The following IFIH1 variants were observed in gnomAD, a reference collection of about 807,000 sequenced individuals.
IFIH1 encodes interferon-induced helicase C domain-containing protein 1.
IFIH1 carries 125 observed loss-of-function variants against 107.4 expected under a neutral mutation model. The observed-to-expected ratio is 1.16, with a 90% confidence interval of 1.01 to 1.35. The LOEUF (loss-of-function observed/expected upper bound fraction) is 1.35. IFIH1 is among the 40% of genes most tolerant of loss of function. The pLI is 0.00. For missense variants in IFIH1, 1,333 were observed against 1,213.7 expected, an observed-to-expected ratio of 1.10 and a Z score of -1.46; for synonymous variants, 458 against 413.2, an observed-to-expected ratio of 1.11 and a Z score of -1.31.
At chr2:162,305,495 G>A (rs1328871605) in intron 3 of IFIH1, among the ~76,000 whole-genome samples, 1 of 151,958 alleles carries the variant, frequency 6.6e-6, no homozygotes, top group Non-Finnish European at 1.5e-5. Context: ...ACTTGAACCC[G>A]GGAGGTGAAG....
chr2:162,276,492 C>T (rs938397180), intron 11 of IFIH1, among the ~76,000 whole-genome samples, 195 bp downstream of exon 11: 4 of 152,058 alleles, frequency 2.6e-5, no homozygotes, highest in Non-Finnish European at 4.4e-5. Context: ...AGAGTCCCAG[C>T]TGCTCAGGAG....
rs774025268 is a variant in IFIH1, at chr2:162,318,092, G to A, written c.216C>T (p.His72=). ...CCACGAATTCCCGAGTCCAACCAAG[G>A]TGCCAGACTCCCTTCTCCAAGGTGC... The part of the protein sequence containing the change: ...LLSTLEKGVW[H]LGWTREFVEA... The change falls in exon 1 of 16, where the codon CAC becomes CAT. Residue 72 remains histidine, a synonymous_variant. Transcript: ENST00000649979. 1.9e-6 allele frequency: 3 copies of A among 1,614,148 alleles called. No individual in the cohort carries two copies. The highest frequency in any genetic ancestry group is 1.7e-5 in the Admixed American group (1 of 60,020).
intron 5 of IFIH1, among the ~76,000 whole-genome samples, chr2:162,285,719 A>G (rs114837312): frequency 2.0e-4 from 31 of 152,096 alleles, no homozygotes; most frequent in Non-Finnish European, 4.1e-4. Context: ...TGTAGATCCA[A>G]TGCAATGAAA....
chr2:162,303,248 G>T (rs189923872), intron 3 of IFIH1, among the ~76,000 whole-genome samples: 10 of 152,200 alleles, frequency 6.6e-5, no homozygotes, highest in Non-Finnish European at 1.3e-4. Context: ...CCAAGTAGCT[G>T]GGATTACAGG....
Position 162,267,293 on chromosome 2 carries a change from T to G in IFIH1, c.2985A>C (p.Ser995=). ...CCCACTTTTTGTATTGTTTCTTTGTTGAATTATTTTTGAAAACCACTACAA... is the reference window on the plus strand; with the variant it reads ...CCCACTTTTTGTATTGTTTCTTTGTGGAATTATTTTTGAAAACCACTACAA... ...RNFVVVFKNN[S]TKKQYKKWVE... Residue 995 remains serine (S), a synonymous_variant, in exon 16 of 16, where the codon TCA becomes TCC. Coordinates refer to ENST00000649979, the MANE Select transcript of IFIH1 (RefSeq NM_022168.4). 6.2e-7 allele frequency: 1 copy of G among 1,612,362 alleles called. No individual in the cohort carries two copies. The highest frequency in any genetic ancestry group is 2.2e-5 in the East Asian group (1 of 44,874).
chr2:162,313,263 T>A (rs1208813577), intron 1 of IFIH1, among the ~76,000 whole-genome samples: 9 of 152,182 alleles, frequency 5.9e-5, no homozygotes, highest in Admixed American at 3.9e-4. Flanking sequence ...AAGATATTGA[T>A]CCCAATATGT....
At position 162,277,515 on chromosome 2, in the gene IFIH1, A is replaced by G; in HGVS notation, c.1944T>C (p.Gly648=). 6.3e-7 allele frequency: 1 copy of G among 1,580,884 alleles called. No individual in the cohort carries two copies. Among genetic ancestry groups the G allele is most frequent in the Non-Finnish European group, 8.7e-7 (1 of 1,150,354 alleles). Residue 648 remains glycine, a synonymous_variant, in exon 10 of 16, where the codon GGT becomes GGC. Coordinates refer to ENST00000649979, the MANE Select transcript of IFIH1 (RefSeq NM_022168.4). ...CACCATCACAATACTCATCATCACC[A>G]CCCTCATCACTATCATCTTCTATGA... is the stretch of plus-strand genomic sequence containing the variant. ...FAVIEDDSDE[G]GDDEYCDGDE... is the part of the protein sequence containing the mutation.
At chr2:162,311,868 C>T (rs765553450) in intron 1 of IFIH1, among the ~76,000 whole-genome samples, 1 of 152,088 alleles carries the variant, frequency 6.6e-6, no homozygotes, top group Non-Finnish European at 1.5e-5. Context: ...GTTTCTATAT[C>T]TTAGCTGCAT....
chr2:162,279,850 C>T (rs1316175586), intron 8 of IFIH1, 146 bp downstream of exon 8: 2 of 644,002 alleles, frequency 3.1e-6, no homozygotes, highest in African/African-American at 3.7e-5. Context: ...GCTTTACTGC[C>T]TAACATCAAT....
At chr2:162,278,443 A>G in intron 8 of IFIH1, 115 bp from the exon 9 acceptor site, 1 of 606,410 alleles carries the variant, frequency 1.6e-6, no homozygotes, top group Middle Eastern at 4.6e-4. Context: ...TGTTTAGACA[A>G]AGTAACAGGT....
chr2:162,268,001 A>C (rs1690958579), intron 14 of IFIH1, 86 bp downstream of exon 14: 1 of 852,114 alleles, frequency 1.2e-6, no homozygotes, highest in Admixed American at 2.9e-5. Flanking sequence ...AATGAATCTC[A>C]TTTGCACTAT....
intron 1 of IFIH1, among the ~76,000 whole-genome samples, chr2:162,314,424 CTTTCTTTCTTTCTTTCTT>C (rs1683444087): frequency 3.3e-5 from 2 of 60,986 alleles, no homozygotes; most frequent in Non-Finnish European, 5.3e-5. Context: ...TCTTTTCTTT[CTTTCTTTCTTTCTTTCTT>C]TCTTTCTTTC....
intron 5 of IFIH1, among the ~76,000 whole-genome samples, chr2:162,284,795 T>C (rs1682871306): frequency 2.0e-5 from 3 of 151,920 alleles, no homozygotes; most frequent in Admixed American, 1.3e-4. Context: ...TTCTAGACTG[T>C]ATATTTCGTG....
At chr2:162,273,724 A>G in intron 12 of IFIH1, 71 bp downstream of exon 12, 4 of 1,167,900 alleles carry the variant, frequency 3.4e-6, no homozygotes, top group Non-Finnish European at 4.7e-6. Context: ...CTGTTTAACT[A>G]AAAGAAAGCA....
chr2:162,311,400 CA>C (rs1427921067), intron 1 of IFIH1, among the ~76,000 whole-genome samples: 1 of 151,958 alleles, frequency 6.6e-6, no homozygotes, highest in African/African-American at 2.4e-5. Context: ...CTCCTTTCTT[CA>C]TGATTATCAT....
intron 4 of IFIH1, among the ~76,000 whole-genome samples, chr2:162,288,828 C>T (rs568011749): frequency 2.6e-5 from 4 of 151,674 alleles, no homozygotes; most frequent in African/African-American, 9.7e-5. Context: ...TTCCGTATTT[C>T]CCCTTTTTTT....
At position 162,317,994 on chromosome 2, in the gene IFIH1, G is replaced by T. The variant is rs375750292; in HGVS notation, c.314C>A (p.Pro105Gln). 3.1e-6 allele frequency: 5 copies of T among 1,614,074 alleles called. No individual in the cohort carries two copies. Among genetic ancestry groups the T allele is most frequent in the Non-Finnish European group, 4.2e-6 (5 of 1,180,050 alleles). Residue 105 changes from proline to glutamine, a missense_variant, in exon 1 of 16, where the codon CCA becomes CAA. By Grantham distance (76) the Pro-to-Gln change is moderately conservative (BLOSUM62 -1). Coordinates refer to ENST00000649979, the MANE Select transcript of IFIH1 (RefSeq NM_022168.4). ...MNPELTDLPS[P>Q]SFENAHDEYL... ...TTCATCATGAGCGTTCTCAAACGATGGAGAGGGCAAGTCCGTGAGCTCAGG... is the reference window on the plus strand; with the variant it reads ...TTCATCATGAGCGTTCTCAAACGATTGAGAGGGCAAGTCCGTGAGCTCAGG...
At chr2:162,286,974 G>T (rs1188729616) in intron 5 of IFIH1, among the ~76,000 whole-genome samples, 1 of 151,978 alleles carries the variant, frequency 6.6e-6, no homozygotes, top group East Asian at 1.9e-4. Context: ...AGTACCGGTA[G>T]GTAGAAATAG....
intron 2 of IFIH1, among the ~76,000 whole-genome samples, chr2:162,308,705 A>C (rs183419621): frequency 1.3e-5 from 2 of 152,204 alleles, no homozygotes; most frequent in African/African-American, 4.8e-5. Context: ...ACTATCTCCT[A>C]CTATCACTGT....
Sources: allele counts gnomAD v4.1 joint callset (sites outside exome capture counted in the v4.1 genomes callset), GRCh38; gene constraint gnomAD v4.1.1; transcripts MANE v1.5; gene names NCBI Gene and HGNC (gene_info 2026-07-23, HGNC 2026-07-21).